The following PRDM14 variants were observed in gnomAD, a reference collection of about 807,000 sequenced individuals.
The protein encoded by PRDM14 is PR/SET domain 14.
In PRDM14, 16 loss-of-function variants were observed where a neutral mutation model predicts 48.0. The observed-to-expected ratio is 0.33, with a 90% CI of 0.23 to 0.51. The LOEUF is 0.51. PRDM14 is among the 20% of genes least tolerant of loss of function. The pLI is 0.97. For synonymous variants in PRDM14, 264 were observed against 276.6 expected (o/e 0.95, Z 0.45); for missense variants, 566 against 719.6 (o/e 0.79, Z 2.44).
Position 70,066,393 on chromosome 8 carries a change from A to T in PRDM14, c.1025T>A (p.Val342Glu), listed in dbSNP as rs1189689774. The change falls in exon 5 of 8, where the codon GTG (valine) becomes GAG (glutamate). Residue 342 changes from valine (V) to glutamate (E), a missense_variant. Physicochemically the swap from Val to Glu is moderately radical, Grantham distance 121. Around this residue, in one of 3 missense-constraint regions of PRDM14, gnomAD observed 126 missense variants for 271.6 expected, o/e 0.46. Transcript: ENST00000276594. ...RFPKEQNLVA[V>E]QCQGHIFYES... is the part of the protein sequence containing the mutation. The stretch of plus-strand genomic sequence containing the variant: ...ATAAAATATATGCCCTTGACACTGC[A>T]CAGCAACTAGGTTCTGCTCCTTGGG... The T allele has an allele frequency of 2.3e-5, 37 of 1,614,074 alleles. No homozygotes were observed. In the Admixed American group the frequency reaches 6.2e-4, roughly 27 times the overall value.
intron 7 of PRDM14, 81 bp downstream of exon 7, chr8:70,055,219 G>A (rs964592095): frequency 2.6e-6 from 2 of 757,366 alleles, no homozygotes; most frequent in East Asian, 2.6e-5. Flanking sequence ...AACTCATTAA[G>A]CCAGGCTTTG....
rs1168524693 is a variant in PRDM14, at chr8:70,054,522, T to TC, written c.1488+777_1488+778insG. ...AAATACTATGAAATAGTGATTTTTT[T>TC]TTTTTTTTTTTTTTGGAGACGGAGT... is the stretch of plus-strand genomic sequence containing the variant. On this transcript the variant is annotated intron_variant, in intron 7 of 7. Transcript: ENST00000276594. Among the ~76,000 whole-genome samples, 5 of 150,516 alleles carry TC rather than the reference T, an allele frequency of 3.3e-5. No individual in the cohort carries two copies. In the East Asian group the frequency reaches 9.7e-4, roughly 29 times the overall value.
rs1186100079 is a variant in PRDM14, at chr8:70,066,473, T to C, written c.945A>G (p.Ile315Met). The stretch of plus-strand genomic sequence containing the variant: ...AGTTCCCCGTACCTCCTTTTCCATC[T>C]ATAAAGTGGCTCAAATGACCATCTT... Reference protein sequence around the residue: ...IFEDGHLSHFIDGKGGTGNWM... With the variant: ...IFEDGHLSHFMDGKGGTGNWM... The change falls in exon 5 of 8, where the codon ATA becomes ATG. Residue 315 changes from isoleucine to methionine, a missense_variant. Physicochemically the swap from Ile to Met is conservative, Grantham distance 10. This residue lies in a region of PRDM14 where 410 missense variants were observed against 424.6 expected (regional missense o/e 0.97). Coordinates refer to ENST00000276594, the MANE Select transcript of PRDM14 (RefSeq NM_024504.4). The C allele has an allele frequency of 2.0e-5, 33 of 1,613,970 alleles. No individual in the cohort carries two copies. The highest frequency in any genetic ancestry group is 2.5e-5 in the Non-Finnish European group (30 of 1,179,892).
chr8:70,066,899 T>A (rs577349293), intron 4 of PRDM14, among the ~76,000 whole-genome samples: 49 of 152,116 alleles, frequency 3.2e-4, no homozygotes, highest in African/African-American at 8.0e-4. Flanking sequence ...CAAATTTTTT[T>A]AAAAAAATTT....
At position 70,055,300 on chromosome 8, in the gene PRDM14, C is replaced by T; in HGVS notation, c.1488G>A (p.Lys496=). The change falls in exon 7 of 8, where the codon AAG becomes AAA. Residue 496 remains lysine, a splice_region_variant and synonymous_variant. Transcript: ENST00000276594. ...DRPYQCVYCT[K]RFTASSILRT... The stretch of plus-strand genomic sequence containing the variant: ...TCCCTTAGTAAGAGGTTCCATTTAC[C>T]TTAGTACAATACACACACTGGTATG... The T allele has an allele frequency of 1.3e-6, 2 of 1,566,062 alleles. No individual in the cohort carries two copies. The highest frequency in any genetic ancestry group is 1.8e-6 in the Non-Finnish European group (2 of 1,136,814).
intron 7 of PRDM14, among the ~76,000 whole-genome samples, chr8:70,055,084 T>C (rs1022177241): frequency 1.3e-5 from 2 of 152,232 alleles, no homozygotes; most frequent in African/African-American, 4.8e-5. Flanking sequence ...TGTATTTTAT[T>C]ACATGTACTC....
chr8:70,070,986 C>T (rs994808228), intron 1 of PRDM14, among the ~76,000 whole-genome samples, 164 bp downstream of exon 1: 1 of 152,186 alleles, frequency 6.6e-6, no homozygotes, highest in Non-Finnish European at 1.5e-5. Flanking sequence ...GCGCCCTTCT[C>T]CTAGCCTCCT....
chr8:70,059,000 T>G (rs1251777797), intron 5 of PRDM14, among the ~76,000 whole-genome samples, 158 bp from the exon 6 acceptor site: 2 of 152,206 alleles, frequency 1.3e-5, no homozygotes, highest in Non-Finnish European at 2.9e-5. Flanking sequence ...TATTGCCCAG[T>G]CTGTAGTGCA....
chr8:70,066,251 T>A lies in PRDM14; in HGVS notation c.1167A>T (p.Pro389=). ...TGCACTCACCTTCAGAGGGCCCAGATGGCTGCTTCCCCGGCTCTGTGACCT... is the reference window on the plus strand; with the variant it reads ...TGCACTCACCTTCAGAGGGCCCAGAAGGCTGCTTCCCCGGCTCTGTGACCT... ...SLQVTEPGKQ[P]SGPSEESAEG... Residue 389 remains proline, a synonymous_variant, in exon 5 of 8, where the codon CCA becomes CCT. Coordinates refer to ENST00000276594, the MANE Select transcript of PRDM14 (RefSeq NM_024504.4). 6.2e-7 allele frequency: 1 copy of A among 1,613,666 alleles called. No individual in the cohort carries two copies.
intron 1 of PRDM14, 141 bp from the exon 2 acceptor site, chr8:70,070,025 G>T: frequency 3.6e-6 from 2 of 559,180 alleles, no homozygotes; most frequent in Non-Finnish European, 6.3e-6. Context: ...GATCCCGCCA[G>T]CCCGCTCCCA....
In PRDM14 at chr8:70,069,696, C is replaced by A. The variant is rs774310876; in HGVS notation, c.165G>T (p.Gln55His). The stretch of plus-strand genomic sequence containing the variant: ...GGGCAGCAGACGCTGCGGCCTCCAG[C>A]TGCCGGAAAGGTTGGAAGTCTTCCT... ...TVEEDFQPFR[Q>H]LEAAASAAPA... is the part of the protein sequence containing the mutation. Residue 55 changes from glutamine to histidine, a missense_variant, in exon 2 of 8, where the codon CAG becomes CAT. Physicochemically the swap from Gln to His is conservative, Grantham distance 24. Transcript: ENST00000276594. The A allele has an allele frequency of 7.1e-5, 111 of 1,558,366 alleles. No individual in the cohort carries two copies. In the Admixed American group the frequency reaches 2.1e-3, roughly 30 times the overall value.
At chr8:70,052,517 G>A (rs1404355915) in intron 7 of PRDM14, among the ~76,000 whole-genome samples, 1 of 152,138 alleles carries the variant, frequency 6.6e-6, no homozygotes, top group Non-Finnish European at 1.5e-5. Flanking sequence ...AGCACTGGAT[G>A]TTAGAACAGT....
chr8:70,064,681 C>A (rs569614537), intron 5 of PRDM14, among the ~76,000 whole-genome samples: 1 of 151,836 alleles, frequency 6.6e-6, no homozygotes, highest in African/African-American at 2.4e-5. Flanking sequence ...CCCGCCACCA[C>A]GCCCGGCTAA....
chr8:70,066,519 G>A lies in PRDM14; in HGVS notation c.913-14C>T, dbSNP rs939606878. 1 of 1,603,470 alleles carries A rather than the reference G, an allele frequency of 6.2e-7. No individual in the cohort carries two copies. The highest frequency in any genetic ancestry group is 1.7e-5 in the Admixed American group (1 of 58,206). On this transcript the variant is annotated splice_polypyrimidine_tract_variant and intron_variant, in intron 4 of 7. Coordinates refer to ENST00000276594, the MANE Select transcript of PRDM14 (RefSeq NM_024504.4). ...ATCTTCAAAGATCTAAATGAAATAA[G>A]ACATGAAGTTTGTATTGTACTTCTT...
intron 6 of PRDM14, among the ~76,000 whole-genome samples, chr8:70,056,013 G>A (rs935994984): frequency 1.3e-5 from 2 of 152,158 alleles, no homozygotes; most frequent in Non-Finnish European, 2.9e-5. Flanking sequence ...CAAGTACTGT[G>A]CAATTAACTC....
At chr8:70,053,252 GA>G (rs1341390356) in intron 7 of PRDM14, among the ~76,000 whole-genome samples, 1 of 152,120 alleles carries the variant, frequency 6.6e-6, no homozygotes, top group Non-Finnish European at 1.5e-5. Context: ...CCTCATTACA[GA>G]AAGAGAAGCT....
chr8:70,069,850 G>A lies in PRDM14; in HGVS notation c.11C>T (p.Pro4Leu), dbSNP rs1347245143. The change falls in exon 2 of 8, where the codon CCC becomes CTC. Residue 4 changes from proline (P) to leucine (L), a missense_variant. This residue lies in a region of PRDM14 where 410 missense variants were observed against 424.6 expected (regional missense o/e 0.97). Transcript: ENST00000276594. MAL[P>L]RPSEAVPQDK... ...CTGAGGCACGGCCTCACTTGGCCGG[G>A]GTAGAGCCATCCCGGGACCGCACGC... The A allele has an allele frequency of 1.9e-6, 3 of 1,600,028 alleles. No individual in the cohort carries two copies. The highest frequency in any genetic ancestry group is 1.1e-5 in the South Asian group (1 of 88,948).
At chr8:70,052,969 T>A (rs923101614) in intron 7 of PRDM14, among the ~76,000 whole-genome samples, 2 of 148,756 alleles carry the variant, frequency 1.3e-5, no homozygotes, top group African/African-American at 2.5e-5. Flanking sequence ...CATGGTAGCA[T>A]GTACCTGTGG....
intron 5 of PRDM14, among the ~76,000 whole-genome samples, chr8:70,059,476 T>C (rs1805539821): frequency 6.6e-6 from 1 of 151,858 alleles, no homozygotes; most frequent in Non-Finnish European, 1.5e-5. Flanking sequence ...TTCACCATCT[T>C]GGCCAGGACA....
Sources: allele counts gnomAD v4.1 joint callset (sites outside exome capture counted in the v4.1 genomes callset), GRCh38; gene constraint gnomAD v4.1.1; regional missense constraint gnomAD v4.1.1; transcripts MANE v1.5; gene names NCBI Gene and HGNC (gene_info 2026-07-23, HGNC 2026-07-21).